Variants in TANK observed in about 807,000 individuals in gnomAD.
TANK encodes the protein TRAF family member-associated NF-kappa-B activator.
A neutral mutation model predicts 43.6 loss-of-function variants in TANK; 15 were observed. The observed-to-expected ratio is 0.34, with a 90% CI of 0.23 to 0.53. The LOEUF is 0.53. Ranked by LOEUF, TANK falls within the 20% of genes least tolerant of loss-of-function variation. The pLI is 0.94. For synonymous variants in TANK, 162 were observed against 178.2 expected (o/e 0.91, Z 0.73); for missense variants, 417 against 498.6 (o/e 0.84, Z 1.56).
intron 4 of TANK, among the ~76,000 whole-genome samples, chr2:161,219,490 C>T (rs572841720): frequency 6.6e-6 from 1 of 152,228 alleles, no homozygotes; most frequent in South Asian, 2.1e-4. Context: ...TCTTGCTTTG[C>T]TAGATTTTCA....
chr2:161,161,317 G>T (rs1272276488), intron 1 of TANK: 11 of 1,550,564 alleles, frequency 7.1e-6, no homozygotes, highest in Non-Finnish European at 9.6e-6. Flanking sequence ...ATAAGGGAGA[G>T]ATGGTAGTAA....
At chr2:161,172,350 T>C (rs1409428691) in intron 1 of TANK, among the ~76,000 whole-genome samples, 2 of 147,156 alleles carry the variant, frequency 1.4e-5, no homozygotes, top group Non-Finnish European at 3.0e-5. Flanking sequence ...TGTAGTTTTT[T>C]TCGGCTTTTT....
At chr2:161,206,704 A>T (rs971133113) in intron 4 of TANK, among the ~76,000 whole-genome samples, 1 of 152,252 alleles carries the variant, frequency 6.6e-6, no homozygotes, top group East Asian at 1.9e-4. Context: ...TTTGCAAAAG[A>T]GGAAATTGAG....
At chr2:161,161,951 T>C (rs148722044) in intron 1 of TANK, 1 of 152,358 alleles carries the variant, frequency 6.6e-6, no homozygotes, top group East Asian at 1.9e-4. Context: ...AATCTTCTCC[T>C]ATATTGCCTG....
chr2:161,227,884 T>C (rs1687710905), intron 6 of TANK, among the ~76,000 whole-genome samples: 1 of 152,248 alleles, frequency 6.6e-6, no homozygotes, highest in Non-Finnish European at 1.5e-5. Context: ...GTTAATGGAC[T>C]TTAAGAACCT....
At chr2:161,221,583 A>G (rs1687344684) in intron 4 of TANK, among the ~76,000 whole-genome samples, 1 of 152,122 alleles carries the variant, frequency 6.6e-6, no homozygotes, top group African/African-American at 2.4e-5. Flanking sequence ...TCAGACTGCT[A>G]TAATGGAAAA....
At chr2:161,140,208 A>C (rs971881497) in intron 1 of TANK, among the ~76,000 whole-genome samples, 5 of 152,166 alleles carry the variant, frequency 3.3e-5, no homozygotes, top group African/African-American at 1.2e-4. Context: ...GAAATGTTTA[A>C]AGAAGAATCC....
In TANK at chr2:161,231,512, A is replaced by T. The variant is rs1306354852; in HGVS notation, c.1062A>T (p.Ser354=). ...ACCCATCTGATGCACCTTTTCCCTCACTCGATTCCCCGGGAAAAGCAATCC... is the reference window on the plus strand; with the variant it reads ...ACCCATCTGATGCACCTTTTCCCTCTCTCGATTCCCCGGGAAAAGCAATCC... ...LLDPSDAPFP[S]LDSPGKAIRG... The change falls in exon 7 of 8, where the codon TCA becomes TCT. Residue 354 remains serine, a synonymous_variant. Transcript: ENST00000392749. 6.2e-7 allele frequency: 1 copy of T among 1,612,806 alleles called. No individual in the cohort carries two copies. The highest frequency in any genetic ancestry group is 8.5e-7 in the Non-Finnish European group (1 of 1,179,956).
chr2:161,202,787 A>T, intron 2 of TANK: 1 of 430,234 alleles, frequency 2.3e-6, no homozygotes, highest in East Asian at 8.2e-5. Flanking sequence ...AACAGTTTCA[A>T]ATTTGCTTGA....
At chr2:161,212,422 A>G in intron 4 of TANK, 1 of 984,062 alleles carries the variant, frequency 1.0e-6, no homozygotes, top group Non-Finnish European at 1.2e-6. Flanking sequence ...ATTACATTGA[A>G]ATTTTCTATT....
At chr2:161,235,190 G>A (rs570857327) in intron 7 of TANK, 152 bp from the exon 8 acceptor site, 1 of 581,724 alleles carries the variant, frequency 1.7e-6, no homozygotes, top group Admixed American at 3.5e-5. Context: ...ATTGAGTCAT[G>A]TCATGCTAAC....
At chr2:161,201,626 G>A (rs977834792) in intron 2 of TANK, among the ~76,000 whole-genome samples, 9 of 152,152 alleles carry the variant, frequency 5.9e-5, no homozygotes, top group Non-Finnish European at 1.2e-4. Context: ...TTTAATTAGC[G>A]CAGAAATATA....
intron 6 of TANK, among the ~76,000 whole-genome samples, chr2:161,225,915 T>A (rs1217309951): frequency 6.6e-6 from 1 of 152,172 alleles, no homozygotes. Context: ...ATAATTTGGT[T>A]CTTTCTCTCC....
chr2:161,181,986 C>T (rs946214369), intron 2 of TANK, among the ~76,000 whole-genome samples: 3 of 152,036 alleles, frequency 2.0e-5, no homozygotes, highest in African/African-American at 7.2e-5. Flanking sequence ...GAAAAATTCT[C>T]GAACCTTGTT....
At chr2:161,204,961 A>G in intron 4 of TANK, 168 bp downstream of exon 4, 1 of 1,401,898 alleles carries the variant, frequency 7.1e-7, no homozygotes, top group Non-Finnish European at 9.3e-7. Context: ...AGTAAAATAA[A>G]GGCTGAGGTT....
At chr2:161,157,943 C>T (rs1030573530), upstream of TANK, among the ~76,000 whole-genome samples, 2 of 152,326 alleles carry the variant, frequency 1.3e-5, no homozygotes, top group Admixed American at 6.5e-5. Context: ...CTTGGCCTCC[C>T]GAAGTGCTGG....
chr2:161,181,441 A>AC (rs1190257461), intron 2 of TANK, among the ~76,000 whole-genome samples: 37 of 152,114 alleles, frequency 2.4e-4, no homozygotes, highest in Middle Eastern at 3.4e-3. Flanking sequence ...AACAACAACA[A>AC]AAAAAAACTA....
chr2:161,162,551 A>G (rs1485522532), intron 1 of TANK: 2 of 152,114 alleles, frequency 1.3e-5, no homozygotes, highest in Admixed American at 1.3e-4. Flanking sequence ...TGGCTTCCCC[A>G]GAATAGTGGT....
chr2:161,191,421 A>G (rs1685908476), intron 2 of TANK, among the ~76,000 whole-genome samples: 1 of 152,186 alleles, frequency 6.6e-6, no homozygotes, highest in African/African-American at 2.4e-5. Flanking sequence ...TCAAAAATGC[A>G]AGCATGCTAA....
Sources: allele counts gnomAD v4.1 joint callset (sites outside exome capture counted in the v4.1 genomes callset), GRCh38; gene constraint gnomAD v4.1.1; transcripts MANE v1.5; gene names NCBI Gene and HGNC (gene_info 2026-07-23, HGNC 2026-07-21).